Variants in RASA3 observed in about 807,000 individuals in gnomAD.
RASA3 encodes the protein RAS p21 protein activator 3.
In RASA3, 73 loss-of-function variants were observed where a neutral mutation model predicts 110.0. That is an observed-to-expected ratio of 0.66 (90% CI 0.55 to 0.81). RASA3 has a LOEUF of 0.81. Ranked by LOEUF, RASA3 falls within the 30% of genes least tolerant of loss-of-function variation. The pLI, the probability that RASA3 is intolerant of heterozygous loss-of-function variation, is 0.00. For missense variants in RASA3, 976 were observed against 1,113.2 expected, an observed-to-expected ratio of 0.88 and a Z score of 1.75; for synonymous variants, 500 against 451.4, an observed-to-expected ratio of 1.11 and a Z score of -1.37.
At chr13:114,027,559 T>C (rs1278217748) in intron 6 of RASA3, 98 bp from the exon 7 acceptor site, 1 of 898,554 alleles carries the variant, frequency 1.1e-6, no homozygotes, top group East Asian at 2.6e-5. Flanking sequence ...AGTCACTTAT[T>C]GGCTTTATTT....
chr13:114,007,657 G>T, intron 17 of RASA3, 51 bp from the exon 18 acceptor site: 2 of 1,426,178 alleles, frequency 1.4e-6, no homozygotes, highest in Non-Finnish European at 2.0e-6. Context: ...CATCTGACGT[G>T]CACGGCTCTC....
intron 1 of RASA3, among the ~76,000 whole-genome samples, chr13:114,100,106 C>T (rs2080035928): frequency 6.6e-6 from 1 of 150,614 alleles, no homozygotes; most frequent in Non-Finnish European, 1.5e-5. Context: ...GACCACACTG[C>T]CACACCTGAA....
At chr13:114,017,927 A>C (rs1222257391) in intron 11 of RASA3, among the ~76,000 whole-genome samples, 177 bp downstream of exon 11, 1 of 145,286 alleles carries the variant, frequency 6.9e-6, no homozygotes, top group Admixed American at 7.4e-5. Flanking sequence ...GGGACTTTCA[A>C]AAAAAAAAAA....
At chr13:113,993,199 T>G (rs2053158646) in intron 21 of RASA3, among the ~76,000 whole-genome samples, 1 of 152,152 alleles carries the variant, frequency 6.6e-6, no homozygotes, top group Admixed American at 6.5e-5. Context: ...GCTTCTCCTA[T>G]GTTCACACCA....
intron 3 of RASA3, 119 bp from the exon 4 acceptor site, chr13:114,041,213 G>A: frequency 1.1e-6 from 1 of 884,344 alleles, no homozygotes. Flanking sequence ...TTCAGAATGG[G>A]GCACCGGCCG....
chr13:114,029,990 G>T, intron 4 of RASA3, 103 bp from the exon 5 acceptor site: 2 of 1,041,000 alleles, frequency 1.9e-6, no homozygotes, highest in Non-Finnish European at 2.9e-6. Flanking sequence ...GGAGCAGGCG[G>T]CCCCGCCCTG....
intron 19 of RASA3, 126 bp downstream of exon 19, chr13:114,000,700 C>T (rs147903158): frequency 2.0e-4 from 145 of 718,698 alleles, no homozygotes; most frequent in Non-Finnish European, 2.8e-4. Context: ...TGGGTCACCG[C>T]GGCCCCGGGC....
intron 1 of RASA3, among the ~76,000 whole-genome samples, chr13:114,127,330 G>A (rs1169359761): frequency 6.6e-6 from 1 of 152,232 alleles, no homozygotes; most frequent in Admixed American, 6.5e-5. Context: ...CCCTGGCTGA[G>A]TCCACCTGCC....
intron 21 of RASA3, among the ~76,000 whole-genome samples, chr13:113,993,261 C>T (rs932154837): frequency 6.6e-6 from 1 of 152,108 alleles, no homozygotes; most frequent in African/African-American, 2.4e-5. Context: ...CTGAAACCTA[C>T]GCTTTCTGGG....
chr13:114,105,627 C>T (rs1253403375), intron 1 of RASA3, among the ~76,000 whole-genome samples: 2 of 152,222 alleles, frequency 1.3e-5, no homozygotes, highest in African/African-American at 4.8e-5. Context: ...ACGCTCCCTC[C>T]GCCTCGCTTC....
rs1245694567 is a variant in RASA3 at position 114,096,111 on chromosome 13, T to C, written c.56-22274A>G. On this transcript the variant is annotated intron_variant, in intron 1 of 23. Coordinates refer to ENST00000334062, the MANE Select transcript of RASA3 (RefSeq NM_007368.4). This position sits in a 1 kb window ranked among gnomAD's most constrained non-coding sequence, Gnocchi z 5.1. ...GGTGGCCCTGGCGGCATCGGTGTGC[T>C]GGGAAGGGGGTGCTCTCTGGGTGGC... 5.3e-5 allele frequency among the ~76,000 whole-genome samples: 8 copies of C among 151,664 alleles called. No homozygotes were observed. Among genetic ancestry groups the C allele is most frequent in the African/African-American group, 1.7e-4 (7 of 41,312 alleles).
At chr13:114,030,589 C>G (rs180784154) in intron 4 of RASA3, among the ~76,000 whole-genome samples, 287 of 152,172 alleles carry the variant, frequency 1.9e-3, no homozygotes, top group African/African-American at 6.1e-3. Context: ...GCAGAGCAGA[C>G]AGCAAGGCTG....
At chr13:113,990,695 G>A (rs1286027369) in intron 22 of RASA3, among the ~76,000 whole-genome samples, 2 of 152,242 alleles carry the variant, frequency 1.3e-5, no homozygotes, top group African/African-American at 2.4e-5. Flanking sequence ...GCCCATGAGT[G>A]TGTACATGTG....
chr13:114,103,281 G>C (rs571257035), intron 1 of RASA3, among the ~76,000 whole-genome samples: 68 of 152,258 alleles, frequency 4.5e-4, no homozygotes, highest in African/African-American at 1.4e-3. Context: ...ACCACAGCCA[G>C]CCTCAGCACA....
chr13:114,072,504 A>G (rs2079588622), intron 2 of RASA3, among the ~76,000 whole-genome samples: 1 of 152,270 alleles, frequency 6.6e-6, no homozygotes, highest in South Asian at 2.1e-4. Context: ...ATTTTACAGG[A>G]AGAGAAAAGC....
chr13:114,062,799 G>A (rs1489280150), intron 2 of RASA3, among the ~76,000 whole-genome samples: 1 of 152,242 alleles, frequency 6.6e-6, no homozygotes, highest in Non-Finnish European at 1.5e-5. Context: ...CGGCTGCTGA[G>A]GGAGCAACAG....
intron 1 of RASA3, among the ~76,000 whole-genome samples, chr13:114,127,165 G>A (rs2080462013): frequency 1.3e-5 from 2 of 152,228 alleles, no homozygotes; most frequent in South Asian, 2.1e-4. Flanking sequence ...CTGCGCCTGC[G>A]CGGTTCACAC....
intron 14 of RASA3, 53 bp from the exon 15 acceptor site, chr13:114,013,301 G>T (rs1191915480): frequency 1.0e-5 from 14 of 1,401,544 alleles, no homozygotes; most frequent in Non-Finnish European, 9.9e-7. Flanking sequence ...ATGGCCTCGT[G>T]GGGACACCAT....
intron 2 of RASA3, among the ~76,000 whole-genome samples, chr13:114,059,702 A>AGACAAGCACATG (rs1461636208): frequency 6.6e-6 from 1 of 152,254 alleles, no homozygotes; most frequent in East Asian, 1.9e-4. Context: ...CTGCACAGTG[A>AGACAAGCACATG]GACAAGCACA....
Sources: gnomAD v4.1 joint callset for allele counts (sites outside exome capture counted in the v4.1 genomes callset) on GRCh38, gnomAD v4.1.1 for gene constraint, Gnocchi (gnomAD v3.1) non-coding constraint, MANE v1.5 for transcripts, NCBI Gene and HGNC (gene_info 2026-07-23, HGNC 2026-07-21) for gene names.